Variants in KCNN2 observed in about 807,000 individuals in gnomAD.
KCNN2 encodes the protein small conductance calcium-activated potassium channel protein 2.
In KCNN2, 24 loss-of-function variants were observed where a neutral mutation model predicts 55.5. The ratio of observed to expected loss-of-function variants is 0.43; its 90% CI spans 0.31 to 0.61. KCNN2 has a LOEUF of 0.61. Ranked by LOEUF, KCNN2 falls within the 20% of genes least tolerant of loss-of-function variation. KCNN2 has a pLI of 0.08. For missense variants in KCNN2, 754 were observed against 853.6 expected, an observed-to-expected ratio of 0.88 and a Z score of 1.45; for synonymous variants, 431 against 336.1, an observed-to-expected ratio of 1.28 and a Z score of -3.09.
intron 3 of KCNN2, among the ~76,000 whole-genome samples, chr5:114,419,070 T>C (rs1759394488): frequency 6.6e-6 from 1 of 152,256 alleles, no homozygotes; most frequent in Non-Finnish European, 1.5e-5. Context: ...TTACCTGGTT[T>C]AGACTTTGTC....
At chr5:114,487,621 G>T (rs1385371767) in intron 6 of KCNN2, among the ~76,000 whole-genome samples, 3 of 152,082 alleles carry the variant, frequency 2.0e-5, no homozygotes, top group African/African-American at 7.2e-5. Context: ...AAATTTTCCA[G>T]TTTGTGTAGA....
At chr5:114,356,635 C>A (rs1438450743) in intron 2 of KCNN2, among the ~76,000 whole-genome samples, 1 of 151,928 alleles carries the variant, frequency 6.6e-6, no homozygotes, top group Admixed American at 6.6e-5. Context: ...AATGGATAGG[C>A]CCTAACACAA....
chr5:114,272,747 C>T (rs1046112664), intron 2 of KCNN2, among the ~76,000 whole-genome samples: 1 of 152,098 alleles, frequency 6.6e-6, no homozygotes, highest in Non-Finnish European at 1.5e-5. Flanking sequence ...GCCTTATACC[C>T]AGTTCCCTTA....
intron 3 of KCNN2, among the ~76,000 whole-genome samples, chr5:114,419,861 G>A (rs1759422997): frequency 6.6e-6 from 1 of 152,190 alleles, no homozygotes; most frequent in Non-Finnish European, 1.5e-5. Context: ...AGCCAGATGT[G>A]GTGGCATGTG....
In KCNN2 at chr5:114,252,215, T is replaced by A. The variant is rs182120193; in HGVS notation, c.-185+30650T>A. ...TTTCTTATGTAATTAAAAAATGTTT[T>A]TTCTATTAACCTTTATATCTTTCTG... On this transcript the variant is annotated intron_variant, in intron 2 of 10. Transcript: ENST00000512097. Among the ~76,000 whole-genome samples the A allele has an allele frequency of 1.3e-3, 199 of 151,878 alleles. 1 individual carries two copies. Among genetic ancestry groups the A allele is most frequent in the Middle Eastern group, 3.4e-3 (1 of 290 alleles).
intron 6 of KCNN2, among the ~76,000 whole-genome samples, chr5:114,492,753 G>A (rs1580932652): frequency 6.6e-6 from 1 of 152,016 alleles, no homozygotes; most frequent in Non-Finnish European, 1.5e-5. Context: ...CTGAAAATGG[G>A]AATTTTTCCT....
intron 2 of KCNN2, among the ~76,000 whole-genome samples, chr5:114,291,554 G>A (rs954547457): frequency 3.3e-5 from 5 of 151,902 alleles, no homozygotes; most frequent in Admixed American, 3.3e-4. Flanking sequence ...ATGCCATGGT[G>A]TATATGTGCC....
chr5:114,323,466 A>T lies in KCNN2; in HGVS notation c.-184-37479A>T, dbSNP rs1756652164. 3.3e-5 allele frequency among the ~76,000 whole-genome samples: 5 copies of T among 152,214 alleles called. 1 individual carries two copies. The highest frequency in any genetic ancestry group is 3.3e-4 in the Admixed American group (5 of 15,280). ...AGCCACTTAAGCTCTTAAATCTTTA[A>T]AGATAATAAAACTAAAAAAGTAATG... On this transcript the variant is annotated intron_variant, in intron 2 of 10. Transcript: ENST00000512097.
chr5:114,312,549 G>A (rs1025245984), intron 2 of KCNN2, among the ~76,000 whole-genome samples: 3 of 147,450 alleles, frequency 2.0e-5, no homozygotes, highest in Non-Finnish European at 4.5e-5. Context: ...CCCTTTTCCA[G>A]AACAGTTTAC....
chr5:114,123,167 T>C (rs2112599543), intron 1 of KCNN2, among the ~76,000 whole-genome samples: 1 of 152,270 alleles, frequency 6.6e-6, no homozygotes, highest in Admixed American at 6.5e-5. Flanking sequence ...AGATATCTTA[T>C]ATCTCTAATT....
At chr5:114,135,730 G>T (rs1752162083) in intron 1 of KCNN2, among the ~76,000 whole-genome samples, 1 of 152,092 alleles carries the variant, frequency 6.6e-6, no homozygotes. Context: ...TAAACAAAAA[G>T]AAATCTACTG....
chr5:114,324,157 A>C (rs1756671769), intron 2 of KCNN2, among the ~76,000 whole-genome samples: 1 of 152,224 alleles, frequency 6.6e-6, no homozygotes, highest in Non-Finnish European at 1.5e-5. Context: ...AACTTTTATT[A>C]GGATGTATTC....
chr5:114,403,575 C>T (rs1758847886), intron 2 of KCNN2, among the ~76,000 whole-genome samples: 1 of 152,208 alleles, frequency 6.6e-6, no homozygotes, highest in African/African-American at 2.4e-5. Context: ...AGCCATCACA[C>T]ATTTCCAAAT....
chr5:114,129,970 C>G (rs1752037692), intron 1 of KCNN2, among the ~76,000 whole-genome samples: 3 of 152,208 alleles, frequency 2.0e-5, no homozygotes, highest in Admixed American at 2.0e-4. Context: ...TCACTCCCAT[C>G]TCTACTCTTG....
At chr5:114,115,161 A>T (rs1015760793) in intron 1 of KCNN2, among the ~76,000 whole-genome samples, 2 of 152,150 alleles carry the variant, frequency 1.3e-5, no homozygotes, top group African/African-American at 2.4e-5. Context: ...AAGCCTAGTG[A>T]TTATTCCATA....
At chr5:114,242,693 G>A (rs777906135) in intron 2 of KCNN2, among the ~76,000 whole-genome samples, 1 of 152,092 alleles carries the variant, frequency 6.6e-6, no homozygotes, top group Admixed American at 6.5e-5. Flanking sequence ...TCGATCTCTA[G>A]GTATTGGTAT....
intron 2 of KCNN2, among the ~76,000 whole-genome samples, chr5:114,387,356 C>A (rs1276178316): frequency 6.6e-6 from 1 of 152,132 alleles, no homozygotes; most frequent in Non-Finnish European, 1.5e-5. Context: ...ATATGGCAGC[C>A]ATTACATGGT....
intron 2 of KCNN2, among the ~76,000 whole-genome samples, chr5:114,367,623 T>TA (rs1757639392): frequency 6.6e-6 from 1 of 151,910 alleles, no homozygotes; most frequent in South Asian, 2.1e-4. Flanking sequence ...AAATTATAGG[T>TA]AAAACAGAAG....
At chr5:114,448,156 C>G (rs922384943) in intron 3 of KCNN2, among the ~76,000 whole-genome samples, 1 of 152,146 alleles carries the variant, frequency 6.6e-6, no homozygotes, top group Non-Finnish European at 1.5e-5. Context: ...CTCTTTTATT[C>G]ACTTTCTCAC....
Sources: gnomAD v4.1 joint callset for allele counts (sites outside exome capture counted in the v4.1 genomes callset) on GRCh38, gnomAD v4.1.1 for gene constraint, MANE v1.5 for transcripts, NCBI Gene and HGNC (gene_info 2026-07-23, HGNC 2026-07-21) for gene names.